ARSD: variants seen among roughly 807,000 people sequenced by gnomAD.
The protein encoded by ARSD is arylsulfatase D.
A neutral mutation model predicts 32.6 loss-of-function variants in ARSD; 21 were observed. The observed-to-expected ratio is 0.64, with a 90% confidence interval of 0.46 to 0.93. The LOEUF (loss-of-function observed/expected upper bound fraction) is 0.93, where lower values mean the gene tolerates loss of function less well. ARSD is among the 40% of genes least tolerant of loss of function. The probability of loss-of-function intolerance (pLI) is 0.00; values close to 1 mark genes in which losing one functional copy is unlikely to be tolerated. For missense variants in ARSD, 454 were observed against 520.9 expected (o/e 0.87, Z 1.25); for synonymous variants, 224 against 237.4 (o/e 0.94, Z 0.52).
chrX:2,913,746 G>C lies in ARSD; in HGVS notation c.1000+1810C>G, dbSNP rs138698944. ...GTGTAGAAGGTTGACAATATAGTTT[G>C]GATGTGTGTCCCCGCCCAAATCTCA... On this transcript the variant is annotated intron_variant, in intron 6 of 9. Transcript: ENST00000381154. 1.3e-3 allele frequency: 1,170 copies of C among 932,453 alleles called. 5 individuals carry two copies. The East Asian group carries it at 0.032, about 26-fold the overall frequency. The allele number at this position is 932,453 out of a possible 1,213,427, so 76.8% of individuals were successfully genotyped here.
rs1256663725 is a variant in ARSD at position 2,904,302 on chromosome X, C to CT, written c.*2968dup. ...GGCAGGGAGGGTAGTATCGGCATCA[C>CT]TTTCACTGCATTCTGTTGGTCAACG... On this transcript the variant is annotated 3_prime_UTR_variant, in exon 10 of 10. Transcript: ENST00000381154. The CT allele has an allele frequency of 1.8e-5, 2 of 111,472 alleles. No individual in the cohort carries two copies. The highest frequency in any genetic ancestry group is 6.5e-5 in the African/African-American group (2 of 30,640). 9.2% of individuals were successfully genotyped at this position (111,472 alleles called of 1,213,427 possible). A position where few individuals can be genotyped will look rare whatever the true frequency, so the allele number is the denominator to read the frequency against.
At position 2,929,301 on chromosome X, in the gene ARSD, G is replaced by C; in HGVS notation, c.-26C>G. 1.0e-6 allele frequency: 1 copy of C among 963,004 alleles called. No individual in the cohort carries two copies. Among genetic ancestry groups the C allele is most frequent in the Admixed American group, 5.8e-5 (1 of 17,330 alleles). The allele number at this position is 963,004 out of a possible 1,213,427, so 79.4% of individuals were successfully genotyped here. A position where few individuals can be genotyped will look rare whatever the true frequency, so the allele number is the denominator to read the frequency against. On this transcript the variant is annotated 5_prime_UTR_variant, in exon 1 of 10. Coordinates refer to ENST00000381154, the MANE Select transcript of ARSD (RefSeq NM_001669.4). ...GGCCGAGCGCTGGCCCAGAGCGCAG[G>C]ACCTTGCCCTGCGCACTCCGCGCCC...
Position 2,918,097 on chromosome X carries a change from G to A in ARSD, c.570C>T (p.Pro190=), listed in dbSNP as rs73632974. The change falls in exon 5 of 10, where the codon CCC becomes CCT. Residue 190 remains proline (P), a synonymous_variant. Coordinates refer to ENST00000381154, the MANE Select transcript of ARSD (RefSeq NM_001669.4). Reference sequence around the variant, plus strand: ...GCGCCCTCAGGGCGGCGTCCACTTCGGGGGGCCTGCCTGGGTCACAGTCGT... The same window carrying A: ...GCGCCCTCAGGGCGGCGTCCACTTCAGGGGGCCTGCCTGGGTCACAGTCGT... The part of the protein sequence containing the change: ...LTNDCDPGRP[P]EVDAALRAQL... 8.5e-5 allele frequency: 102 copies of A among 1,199,657 alleles called. No homozygotes were observed. Among genetic ancestry groups the A allele is most frequent in the South Asian group, 6.3e-4 (35 of 55,330 alleles).
At chrX:2,925,499 G>GT (rs2089074178) in intron 2 of ARSD, 117 bp downstream of exon 2, 4 of 831,974 alleles carry the variant, frequency 4.8e-6, no homozygotes, top group Non-Finnish European at 6.6e-6. Context: ...CCTGTTGGTA[G>GT]TTTTTTGTTG....
intron 7 of ARSD, 78 bp downstream of exon 7, chrX:2,910,581 G>T (rs1466996243): frequency 8.5e-7 from 1 of 1,179,861 alleles, no homozygotes; most frequent in African/African-American, 1.8e-5. Flanking sequence ...CTCATTTTCA[G>T]TTCAACTTGT....
At position 2,904,806 on chromosome X, in the gene ARSD, G is replaced by T. The variant is rs1390010086; in HGVS notation, c.*2465C>A. 1 of 184,738 alleles carries T rather than the reference G, an allele frequency of 5.4e-6. No individual in the cohort carries two copies. Among genetic ancestry groups the T allele is most frequent in the Non-Finnish European group, 1.0e-5 (1 of 100,176 alleles). The allele number at this position is 184,738 out of a possible 1,213,427, so 15.2% of individuals were successfully genotyped here. A position where few individuals can be genotyped will look rare whatever the true frequency, so the allele number is the denominator to read the frequency against. ...GTTGGGATTGTTTGAATGGTTGAGCGTGAAAGACTTGTTATAATGGGCTTG... is the reference window on the plus strand; with the variant it reads ...GTTGGGATTGTTTGAATGGTTGAGCTTGAAAGACTTGTTATAATGGGCTTG... On this transcript the variant is annotated 3_prime_UTR_variant, in exon 10 of 10. Coordinates refer to ENST00000381154, the MANE Select transcript of ARSD (RefSeq NM_001669.4).
chrX:2,908,821 C>T lies in ARSD; in HGVS notation c.1320G>A (p.Leu440=). Reference sequence around the variant, plus strand: ...CCTCAGCTCCCTGCAGCAAGGGTACCAGGCTGTGGCCATCAATCACCCTGA... The same window carrying T: ...CCTCAGCTCCCTGCAGCAAGGGTACTAGGCTGTGGCCATCAATCACCCTGA... ...PQDRVIDGHS[L]VPLLQGAEAR... Residue 440 remains leucine (L), a synonymous_variant, in exon 9 of 10, where the codon CTG becomes CTA. Transcript: ENST00000381154. 8.3e-7 allele frequency: 1 copy of T among 1,210,917 alleles called. No individual in the cohort carries two copies. Among genetic ancestry groups the T allele is most frequent in the Non-Finnish European group, 1.1e-6 (1 of 895,218 alleles).
chrX:2,913,726 G>T, intron 6 of ARSD: 1 of 955,658 alleles, frequency 1.0e-6, no homozygotes, highest in South Asian at 2.3e-5. Context: ...TGGCTGTGTA[G>T]AAGGTTGACA....
intron 8 of ARSD, 91 bp downstream of exon 8, chrX:2,909,726 C>A: frequency 7.1e-6 from 6 of 848,449 alleles, no homozygotes; most frequent in Non-Finnish European, 9.5e-6. Flanking sequence ...AACCAAATAC[C>A]ACCTGTTCCC....
Position 2,921,913 on chromosome X carries a change from G to A in ARSD, c.306C>T (p.Ser102=). 1 of 1,211,014 alleles carries A rather than the reference G, an allele frequency of 8.3e-7. No homozygotes were observed. Among genetic ancestry groups the A allele is most frequent in the East Asian group, 3.0e-5 (1 of 33,799 alleles). ...CTCCGTGACACCAACCTGATCTGAA[G>A]GAATGTCTCCCTGTGAGGAATGCAG... The part of the protein sequence containing the change: ...SRAAFLTGRH[S]FRSGMDASNG... The change falls in exon 3 of 10, where the codon TCC becomes TCT. Residue 102 remains serine (S), a synonymous_variant. Coordinates refer to ENST00000381154, the MANE Select transcript of ARSD (RefSeq NM_001669.4).
At chrX:2,911,789 C>G (rs767557228) in intron 6 of ARSD, among the ~76,000 whole-genome samples, 1 of 111,316 alleles carries the variant, frequency 9.0e-6, no homozygotes, top group Non-Finnish European at 1.9e-5. Flanking sequence ...ATACCCTCCT[C>G]CCTTTGGAAT....
chrX:2,907,153 ACT>A lies in ARSD; in HGVS notation c.*116_*117del, dbSNP rs1289006670. On this transcript the variant is annotated 3_prime_UTR_variant, in exon 10 of 10. Transcript: ENST00000381154. ...AAAGAAAGAAAGAAAGTGGGGACCC[ACT>A]CTCAGTCCAGGGCATGTTCCTTGCA... 5 of 671,696 alleles carry A rather than the reference ACT, an allele frequency of 7.4e-6. No homozygotes were observed. The African/African-American group carries it at 8.9e-5, about 12-fold the overall frequency. The allele number at this position is 671,696 out of a possible 1,213,427, so 55.4% of individuals were successfully genotyped here. A position where few individuals can be genotyped will look rare whatever the true frequency, so the allele number is the denominator to read the frequency against.
intron 4 of ARSD, among the ~76,000 whole-genome samples, chrX:2,918,852 C>G (rs184914989): frequency 8.9e-6 from 1 of 111,793 alleles, no homozygotes; most frequent in East Asian, 2.8e-4. Flanking sequence ...AAAGCACTGG[C>G]CCTGTAATCC....
At chrX:2,911,474 T>A (rs1232279709) in intron 6 of ARSD, among the ~76,000 whole-genome samples, 1 of 106,439 alleles carries the variant, frequency 9.4e-6, no homozygotes, top group Non-Finnish European at 1.9e-5. Flanking sequence ...ATTGAGACCA[T>A]CCTGGCTAAC....
chrX:2,918,920 C>T (rs2089002914), intron 4 of ARSD, among the ~76,000 whole-genome samples: 1 of 109,954 alleles, frequency 9.1e-6, no homozygotes, highest in Non-Finnish European at 1.9e-5. Flanking sequence ...TCGAGACCAG[C>T]CTGGCCAACA....
intron 6 of ARSD, chrX:2,913,516 C>G: frequency 1.0e-6 from 1 of 971,380 alleles, no homozygotes; most frequent in Non-Finnish European, 1.3e-6. Context: ...GTGAACCAAT[C>G]CCGCCCTATC....
intron 4 of ARSD, chrX:2,920,378 TTTTATTC>T: frequency 2.6e-6 from 1 of 379,750 alleles, no homozygotes. Context: ...TTTTTTTTTT[TTTTATTC>T]TTTGAGACAG....
intron 5 of ARSD, among the ~76,000 whole-genome samples, chrX:2,917,423 G>T (rs1164109535): frequency 9.1e-6 from 1 of 110,413 alleles, no homozygotes; most frequent in Non-Finnish European, 1.9e-5. Context: ...AGATTATAAG[G>T]GGACTCTCAG....
At chrX:2,922,236 T>TCTCTCA (rs1555906640) in intron 2 of ARSD, among the ~76,000 whole-genome samples, 1 of 106,390 alleles carries the variant, frequency 9.4e-6, no homozygotes, top group African/African-American at 3.4e-5. Flanking sequence ...TCTCTCTCTC[T>TCTCTCA]CACACACACA....
Sources: allele counts gnomAD v4.1 joint callset (sites outside exome capture counted in the v4.1 genomes callset), GRCh38; gene constraint gnomAD v4.1.1; transcripts MANE v1.5; gene names NCBI Gene and HGNC (gene_info 2026-07-23, HGNC 2026-07-21).